Variants in JPT2 observed in about 807,000 individuals in gnomAD.
JPT2 encodes CRAMP_1 like.
In JPT2, 9 loss-of-function variants were observed where a neutral mutation model predicts 15.9. The observed-to-expected ratio is 0.57, with a 90% confidence interval of 0.34 to 0.99. The LOEUF (loss-of-function observed/expected upper bound fraction) is 0.99, where lower values mean the gene tolerates loss of function less well. JPT2 is among the 50% of genes least tolerant of loss of function. The pLI, the probability that JPT2 is intolerant of heterozygous loss-of-function variation, is 0.02. For synonymous variants in JPT2, 95 were observed against 91.7 expected (o/e 1.04, Z -0.21); for missense variants, 267 against 252.1 (o/e 1.06, Z -0.40).
intron 1 of JPT2, 24 bp downstream of exon 1, chr16:1,678,380 G>T: frequency 8.1e-7 from 1 of 1,229,306 alleles, no homozygotes. Flanking sequence ...CACACGGGAG[G>T]CGGGCGGATA....
At chr16:1,684,674 A>G (rs2037051272) in intron 1 of JPT2, among the ~76,000 whole-genome samples, 1 of 152,092 alleles carries the variant, frequency 6.6e-6, no homozygotes, top group South Asian at 2.1e-4. Flanking sequence ...CAGGAGGCGG[A>G]GGTTGTGGTG....
intron 3 of JPT2, among the ~76,000 whole-genome samples, chr16:1,694,340 A>T (rs1238729290): frequency 2.6e-5 from 4 of 152,216 alleles, no homozygotes; most frequent in African/African-American, 9.7e-5. Context: ...GCCACATATT[A>T]ATTAACACCA....
intron 2 of JPT2, chr16:1,685,861 G>A: frequency 3.5e-6 from 1 of 283,232 alleles, no homozygotes; most frequent in Non-Finnish European, 6.5e-6. Context: ...CTGCCAGGGA[G>A]CTGCTCCCAA....
chr16:1,690,133 C>A (rs1193430416), intron 2 of JPT2: 3 of 152,228 alleles, frequency 2.0e-5, no homozygotes, highest in African/African-American at 7.2e-5. Context: ...GCCCCTAGAA[C>A]TGGTGTCCCA....
At position 1,684,731 on chromosome 16, in the gene JPT2, A is replaced by C. The variant is rs190909219; in HGVS notation, c.45-708A>C. ...TTCCTCCAGCCTGGGCAACAAGAGT[A>C]AAACTCCGTCTCAAAAAAAACAAAC... On this transcript the variant is annotated intron_variant, in intron 1 of 4. Coordinates refer to ENST00000248098, the MANE Select transcript of JPT2 (RefSeq NM_144570.3). Among the ~76,000 whole-genome samples the C allele has an allele frequency of 8.5e-4, 129 of 152,024 alleles. 1 individual carries two copies. Among genetic ancestry groups the C allele is most frequent in the Admixed American group, 2.4e-3 (37 of 15,276 alleles).
chr16:1,689,690 C>T (rs1317051695), intron 2 of JPT2: 1 of 152,296 alleles, frequency 6.6e-6, no homozygotes, highest in South Asian at 2.0e-4. Flanking sequence ...AGTCCTCCCA[C>T]CTTGGCCTCC....
chr16:1,682,659 C>T (rs1356546706), intron 1 of JPT2, among the ~76,000 whole-genome samples: 3 of 148,452 alleles, frequency 2.0e-5, no homozygotes, highest in Non-Finnish European at 3.0e-5. Flanking sequence ...GCAACAAGAG[C>T]GAGATTTCGT....
chr16:1,691,857 G>C lies in JPT2; in HGVS notation c.208G>C (p.Gly70Arg). 6.2e-7 allele frequency: 1 copy of C among 1,613,788 alleles called. No homozygotes were observed. The highest frequency in any genetic ancestry group is 8.5e-7 in the Non-Finnish European group (1 of 1,179,968). The stretch of plus-strand genomic sequence containing the variant: ...CGTTTCTGCAGGGGGTAAAGGAAGT[G>C]GTATCTTTGACGAATCAACCCCCGT... ...RTNPPGGKGSGIFDESTPVQT... is the reference protein window; with the variant it reads ...RTNPPGGKGSRIFDESTPVQT... The change falls in exon 3 of 5, where the codon GGT becomes CGT. Residue 70 changes from glycine to arginine, a missense_variant. Gly to Arg is a moderately radical substitution (Grantham distance 125, BLOSUM62 -2). Coordinates refer to ENST00000248098, the MANE Select transcript of JPT2 (RefSeq NM_144570.3).
intron 1 of JPT2, chr16:1,680,420 G>C: frequency 1.7e-6 from 2 of 1,186,228 alleles, no homozygotes; most frequent in Non-Finnish European, 1.1e-6. Context: ...CTGGTTTCTG[G>C]ACAAGGTGTT....
At chr16:1,698,000 A>T in intron 4 of JPT2, 140 bp downstream of exon 4, 1 of 715,458 alleles carries the variant, frequency 1.4e-6, no homozygotes, top group Non-Finnish European at 2.4e-6. Flanking sequence ...AGGTGTATCC[A>T]CTGCAAGAGG....
chr16:1,685,542 C>G lies in JPT2; in HGVS notation c.148C>G (p.Pro50Ala), dbSNP rs921166624. Reference sequence around the variant, plus strand: ...TAGGATGGCATCTAATATTTTTGGACCAACAGAAGAACCTCAGAACATACC... The same window carrying G: ...TAGGATGGCATCTAATATTTTTGGAGCAACAGAAGAACCTCAGAACATACC... ...PNRMASNIFG[P>A]TEEPQNIPKR... is the part of the protein sequence containing the mutation. Residue 50 changes from proline (P) to alanine (A), a missense_variant, in exon 2 of 5, where the codon CCA (proline) becomes GCA (alanine). By Grantham distance (27) the Pro-to-Ala change is conservative. Transcript: ENST00000248098. 6 of 1,614,024 alleles carry G rather than the reference C, an allele frequency of 3.7e-6. No individual in the cohort carries two copies. Among genetic ancestry groups the G allele is most frequent in the Non-Finnish European group, 5.1e-6 (6 of 1,180,042 alleles).
At chr16:1,678,462 G>A (rs1431394538) in intron 1 of JPT2, 106 bp downstream of exon 1, 2 of 1,083,290 alleles carry the variant, frequency 1.8e-6, no homozygotes, top group Non-Finnish European at 2.3e-6. Context: ...TGGGGTTGGG[G>A]GGCAGGGCGA....
rs559394495 is a variant in JPT2, at chr16:1,698,710, C to G, written c.386-101C>G. ...TCTTTCCCAGTTACAGCATGAATTT[C>G]TTGCAGGTTGCTCTATGACACACTT... On this transcript the variant is annotated intron_variant, in intron 4 of 4. Coordinates refer to ENST00000248098, the MANE Select transcript of JPT2 (RefSeq NM_144570.3). The surrounding 1 kb of genome is among the most constrained non-coding windows in gnomAD (Gnocchi z 4.9). The G allele has an allele frequency of 8.6e-7, 1 of 1,156,740 alleles. No individual in the cohort carries two copies. The highest frequency in any genetic ancestry group is 1.2e-6 in the Non-Finnish European group (1 of 828,068). 71.7% of individuals were successfully genotyped at this position (1,156,740 alleles called of 1,614,324 possible). A position where few individuals can be genotyped will look rare whatever the true frequency, so the allele number is the denominator to read the frequency against.
chr16:1,685,066 C>A (rs1025560529), intron 1 of JPT2, among the ~76,000 whole-genome samples: 4 of 152,154 alleles, frequency 2.6e-5, no homozygotes, highest in African/African-American at 9.7e-5. Context: ...GTGGCTCATA[C>A]CTGTAATCAC....
At chr16:1,678,892 A>G (rs1382148082) in intron 1 of JPT2, among the ~76,000 whole-genome samples, 5 of 152,090 alleles carry the variant, frequency 3.3e-5, no homozygotes, top group South Asian at 2.1e-4. Flanking sequence ...TGCCCTGCCC[A>G]TGGCCGCGCT....
intron 1 of JPT2, 128 bp from the exon 2 acceptor site, chr16:1,685,311 G>A: frequency 1.0e-6 from 1 of 1,002,618 alleles, no homozygotes; most frequent in Non-Finnish European, 1.5e-6. Flanking sequence ...CTGGGTGACA[G>A]AATGAGACCT....
intron 3 of JPT2, among the ~76,000 whole-genome samples, chr16:1,692,946 T>A (rs966531026): frequency 2.6e-5 from 4 of 152,208 alleles, no homozygotes; most frequent in African/African-American, 9.6e-5. Context: ...GGAGAGGACA[T>A]GAGTGGATGA....
chr16:1,681,986 G>C (rs960995670), intron 1 of JPT2, among the ~76,000 whole-genome samples: 1 of 152,218 alleles, frequency 6.6e-6, no homozygotes, highest in South Asian at 2.1e-4. Context: ...GATAAATTCA[G>C]TTCAGTTCGA....
chr16:1,685,667 C>T, intron 2 of JPT2, 80 bp downstream of exon 2: 1 of 1,423,784 alleles, frequency 7.0e-7, no homozygotes, highest in Non-Finnish European at 9.6e-7. Context: ...TTATACTGAT[C>T]CTTTCCCATA....
Sources: allele counts gnomAD v4.1 joint callset (sites outside exome capture counted in the v4.1 genomes callset), GRCh38; gene constraint gnomAD v4.1.1; non-coding constraint Gnocchi (gnomAD v3.1); transcripts MANE v1.5; gene names NCBI Gene and HGNC (gene_info 2026-07-23, HGNC 2026-07-21).